Variants in WWOX observed in about 807,000 individuals in gnomAD.
WWOX encodes the protein WW domain-containing oxidoreductase.
In WWOX, 69 loss-of-function variants were observed where a neutral mutation model predicts 46.2. That is an observed-to-expected ratio of 1.49 (90% CI 1.23 to 1.82). The LOEUF (loss-of-function observed/expected upper bound fraction) is 1.82. WWOX is among the 40% of genes most tolerant of loss of function. The pLI is 0.00. For synonymous variants in WWOX, 359 were observed against 202.6 expected (o/e 1.77, Z -6.56); for missense variants, 919 against 542.6 (o/e 1.69, Z -6.89).
intron 8 of WWOX, among the ~76,000 whole-genome samples, chr16:78,494,385 A>G (rs974016370): frequency 6.6e-6 from 1 of 152,228 alleles, no homozygotes; most frequent in African/African-American, 2.4e-5. Context: ...GGAAGGTAAA[A>G]AAGTTGGCAA....
chr16:79,033,206 G>GTATA (rs34300112), intron 8 of WWOX, among the ~76,000 whole-genome samples: 21 of 145,602 alleles, frequency 1.4e-4, no homozygotes, highest in African/African-American at 3.5e-4. Context: ...ATAAATATGT[G>GTATA]TATATATATA....
chr16:79,212,053 A>C lies in WWOX; in HGVS notation c.*257A>C. The C allele has an allele frequency of 6.5e-7, 1 of 1,536,304 alleles. No individual in the cohort carries two copies. The highest frequency in any genetic ancestry group is 1.2e-5 in the South Asian group (1 of 84,058). ...TGGTGGTGGCCTGTTTGAAAGTAAA[A>C]ACCTGCTTGGTGTGTAGGTTCCGTA... On this transcript the variant is annotated 3_prime_UTR_variant, in exon 9 of 9. Transcript: ENST00000566780.
Position 78,652,408 on chromosome 16 carries a change from C to CAAAAAAAAAAA in WWOX, c.1056+219669_1056+219679dup, listed in dbSNP as rs747993811. ...TGGGTGACAGAGCGAGACTCCGTCTCAAAAAAAAAAAAAAAAAAAAAAAGA... is the reference window on the plus strand; with the variant it reads ...TGGGTGACAGAGCGAGACTCCGTCTCAAAAAAAAAAAAAAAAAAAAAAAAAAAAAAAAAAGA... On this transcript the variant is annotated intron_variant, in intron 8 of 8. Coordinates refer to ENST00000566780, the MANE Select transcript of WWOX (RefSeq NM_016373.4). Among the ~76,000 whole-genome samples the CAAAAAAAAAAA allele has an allele frequency of 1.0e-4, 11 of 107,468 alleles. 1 individual carries two copies. Among genetic ancestry groups the CAAAAAAAAAAA allele is most frequent in the East Asian group, 5.0e-4 (2 of 3,962 alleles). The allele number at this position is 107,468 out of a possible 152,430, so 70.5% of individuals were successfully genotyped here.
intron 8 of WWOX, among the ~76,000 whole-genome samples, chr16:78,464,993 C>T (rs2151427550): frequency 6.6e-6 from 1 of 152,284 alleles, no homozygotes; most frequent in Admixed American, 6.5e-5. Flanking sequence ...GGAGCAAAGG[C>T]ACATCTTACA....
chr16:78,683,864 G>C (rs749077607), intron 8 of WWOX, among the ~76,000 whole-genome samples: 28 of 152,104 alleles, frequency 1.8e-4, no homozygotes, highest in African/African-American at 5.8e-4. Context: ...TGGTCACAAG[G>C]AACAGAGTTT....
intron 8 of WWOX, chr16:78,890,929 C>G (rs1268285729): frequency 6.6e-6 from 1 of 152,154 alleles, no homozygotes; most frequent in African/African-American, 2.4e-5. Context: ...TCAGGGGGAA[C>G]AAACCTGTCT....
intron 8 of WWOX, among the ~76,000 whole-genome samples, chr16:78,633,333 A>G (rs1295278863): frequency 2.0e-5 from 3 of 152,208 alleles, no homozygotes; most frequent in Admixed American, 6.5e-5. Flanking sequence ...GGGCTACCCA[A>G]CTAGGTCGGG....
At chr16:78,669,662 G>T (rs2047415113) in intron 8 of WWOX, among the ~76,000 whole-genome samples, 1 of 152,164 alleles carries the variant, frequency 6.6e-6, no homozygotes, top group Admixed American at 6.5e-5. Context: ...ACTTGTTTCT[G>T]TTCCAAAAGT....
intron 8 of WWOX, among the ~76,000 whole-genome samples, chr16:78,924,609 C>T (rs189643467): frequency 6.6e-6 from 1 of 152,310 alleles, no homozygotes; most frequent in African/African-American, 2.4e-5. Context: ...AAACATATAT[C>T]AGAGTCCTTT....
At chr16:78,727,114 C>T (rs999905211) in intron 8 of WWOX, among the ~76,000 whole-genome samples, 5 of 152,144 alleles carry the variant, frequency 3.3e-5, no homozygotes, top group African/African-American at 1.2e-4. Flanking sequence ...AAAAATGAGG[C>T]CCAGTGGGGC....
chr16:78,514,232 T>C (rs1377069500), intron 8 of WWOX, among the ~76,000 whole-genome samples: 1 of 152,194 alleles, frequency 6.6e-6, no homozygotes, highest in Non-Finnish European at 1.5e-5. Flanking sequence ...GATTTTAATA[T>C]CTTTCCTCCC....
chr16:78,894,705 T>G (rs1201628730), intron 8 of WWOX, among the ~76,000 whole-genome samples: 1 of 152,082 alleles, frequency 6.6e-6, no homozygotes, highest in Non-Finnish European at 1.5e-5. Context: ...ATAGAGAGAA[T>G]AGCATGGAAG....
intron 1 of WWOX, among the ~76,000 whole-genome samples, chr16:78,104,623 G>T (rs1026983852): frequency 6.6e-6 from 1 of 152,092 alleles, no homozygotes; most frequent in Non-Finnish European, 1.5e-5. Context: ...CTTTTTAAAT[G>T]ACAAGCTCGT....
intron 5 of WWOX, among the ~76,000 whole-genome samples, chr16:78,250,852 C>G (rs1351247063): frequency 6.6e-6 from 1 of 152,188 alleles, no homozygotes; most frequent in African/African-American, 2.4e-5. Flanking sequence ...TCACTTAACA[C>G]CCTCCCCCTA....
At chr16:78,699,345 A>G (rs1323729388) in intron 8 of WWOX, among the ~76,000 whole-genome samples, 2 of 151,028 alleles carry the variant, frequency 1.3e-5, no homozygotes, top group African/African-American at 4.9e-5. Flanking sequence ...ACTGGGCAAC[A>G]TGGTGAAGCC....
At chr16:78,485,534 T>G (rs1490409625) in intron 8 of WWOX, among the ~76,000 whole-genome samples, 1 of 152,204 alleles carries the variant, frequency 6.6e-6, no homozygotes, top group African/African-American at 2.4e-5. Context: ...CTTTCAAACG[T>G]TATTCCACAA....
intron 8 of WWOX, among the ~76,000 whole-genome samples, chr16:78,569,782 C>G (rs192382786): frequency 6.6e-6 from 1 of 152,188 alleles, no homozygotes; most frequent in Non-Finnish European, 1.5e-5. Flanking sequence ...TTATCCTCTT[C>G]TTATTGACCA....
chr16:78,372,315 C>G (rs950152773), intron 5 of WWOX, among the ~76,000 whole-genome samples: 9 of 152,144 alleles, frequency 5.9e-5, no homozygotes, highest in Admixed American at 5.2e-4. Context: ...AGATATGGTT[C>G]CTTATGGTCC....
chr16:78,939,140 G>A (rs1176189011), intron 8 of WWOX, among the ~76,000 whole-genome samples: 1 of 152,178 alleles, frequency 6.6e-6, no homozygotes, highest in Non-Finnish European at 1.5e-5. Flanking sequence ...TGGGCTCGAA[G>A]TCACGTCCAT....
Sources: gnomAD v4.1 joint callset for allele counts (sites outside exome capture counted in the v4.1 genomes callset) on GRCh38, gnomAD v4.1.1 for gene constraint, MANE v1.5 for transcripts, NCBI Gene and HGNC (gene_info 2026-07-23, HGNC 2026-07-21) for gene names.